Variants in CTNNA3 observed in about 807,000 individuals in gnomAD.
The protein encoded by CTNNA3 is catenin alpha-3.
In CTNNA3, 76 loss-of-function variants were observed where a neutral mutation model predicts 95.7. The ratio of observed to expected loss-of-function variants is 0.79; its 90% CI spans 0.66 to 0.96. The LOEUF (loss-of-function observed/expected upper bound fraction) is 0.96. Among genes scored for constraint, CTNNA3 ranks in the 40% least tolerant of loss-of-function variants. The pLI is 0.00. For missense variants in CTNNA3, 1,191 were observed against 1,089.8 expected (o/e 1.09, Z -1.31); for synonymous variants, 431 against 374.4 (o/e 1.15, Z -1.74).
chr10:66,184,996 G>A lies in CTNNA3; in HGVS notation c.1885-81747C>T, dbSNP rs548724704. Among the ~76,000 whole-genome samples the A allele has an allele frequency of 5.9e-5, 9 of 152,210 alleles. No homozygotes were observed. The East Asian group carries it at 1.2e-3, about 20-fold the overall frequency. The stretch of plus-strand genomic sequence containing the variant: ...TTCACTGGAAGAGTATTTTTGTACG[G>A]CCTTGCTCTAAACTTTCTAAATGAA... On this transcript the variant is annotated intron_variant, in intron 13 of 17. Transcript: ENST00000433211.
At chr10:66,429,491 C>A (rs2093275472) in intron 11 of CTNNA3, among the ~76,000 whole-genome samples, 1 of 152,014 alleles carries the variant, frequency 6.6e-6, no homozygotes, top group African/African-American at 2.4e-5. Flanking sequence ...AACGTCAATG[C>A]AAAAATCCTC....
chr10:66,083,083 G>T (rs1225661847), intron 14 of CTNNA3, among the ~76,000 whole-genome samples: 1 of 151,978 alleles, frequency 6.6e-6, no homozygotes, highest in Non-Finnish European at 1.5e-5. Context: ...GTAAAAAGAA[G>T]TGAGGGCTTA....
chr10:66,122,163 AT>A (rs1300350410), intron 13 of CTNNA3, among the ~76,000 whole-genome samples: 2 of 152,194 alleles, frequency 1.3e-5, no homozygotes. Flanking sequence ...TAAGAAAAAA[AT>A]CAAAAGGAAA....
chr10:66,813,802 C>T (rs969010892), intron 7 of CTNNA3, among the ~76,000 whole-genome samples: 1 of 151,206 alleles, frequency 6.6e-6, no homozygotes, highest in South Asian at 2.1e-4. Context: ...ATCAGATTTG[C>T]CTTAGAGAAA....
intron 9 of CTNNA3, among the ~76,000 whole-genome samples, chr10:66,710,204 C>T (rs1415685313): frequency 6.6e-6 from 1 of 152,256 alleles, no homozygotes; most frequent in South Asian, 2.1e-4. Context: ...GGTGTCTTCA[C>T]ACATTCCACT....
intron 10 of CTNNA3, among the ~76,000 whole-genome samples, chr10:66,549,292 G>T (rs943123752): frequency 1.3e-5 from 2 of 152,012 alleles, no homozygotes; most frequent in African/African-American, 2.4e-5. Flanking sequence ...CACCACGCCC[G>T]GCCGCCTTTC....
intron 7 of CTNNA3, among the ~76,000 whole-genome samples, chr10:66,967,108 A>G (rs981924101): frequency 1.3e-5 from 2 of 152,076 alleles, no homozygotes; most frequent in Admixed American, 1.3e-4. Flanking sequence ...AGGAACGTTG[A>G]TGGTTCTGCT....
chr10:66,110,178 T>G (rs1362092373), intron 13 of CTNNA3, among the ~76,000 whole-genome samples: 1 of 151,628 alleles, frequency 6.6e-6, no homozygotes, highest in Non-Finnish European at 1.5e-5. Flanking sequence ...CTGGCCAACA[T>G]GGTGAAACCC....
At chr10:66,712,511 G>GT (rs1228601884) in intron 9 of CTNNA3, among the ~76,000 whole-genome samples, 1 of 151,986 alleles carries the variant, frequency 6.6e-6, no homozygotes, top group Admixed American at 6.6e-5. Context: ...CTGATTAGCA[G>GT]TTTTTTCTGA....
intron 13 of CTNNA3, among the ~76,000 whole-genome samples, chr10:66,129,528 T>C (rs2082987533): frequency 6.6e-6 from 1 of 152,090 alleles, no homozygotes; most frequent in Non-Finnish European, 1.5e-5. Flanking sequence ...ATAGGAGACT[T>C]TAGCCATAGG....
At chr10:67,171,186 T>A (rs1169326330) in intron 7 of CTNNA3, among the ~76,000 whole-genome samples, 1 of 152,186 alleles carries the variant, frequency 6.6e-6, no homozygotes, top group Non-Finnish European at 1.5e-5. Context: ...CCACAAAAGG[T>A]CATGGTTTTT....
At chr10:66,252,864 C>T (rs1245424972) in intron 13 of CTNNA3, among the ~76,000 whole-genome samples, 1 of 152,056 alleles carries the variant, frequency 6.6e-6, no homozygotes, top group Non-Finnish European at 1.5e-5. Flanking sequence ...TGTTTTAAAT[C>T]GTTTTCATAT....
intron 3 of CTNNA3, 112 bp downstream of exon 3, chr10:67,606,745 C>G: frequency 1.2e-6 from 1 of 849,716 alleles, no homozygotes; most frequent in South Asian, 1.7e-5. Flanking sequence ...CACAGCTCTG[C>G]AAAAGACTAA....
chr10:67,741,984 C>T (rs1477703590), intron 1 of CTNNA3, among the ~76,000 whole-genome samples: 3 of 151,250 alleles, frequency 2.0e-5, no homozygotes, highest in African/African-American at 7.3e-5. Flanking sequence ...GCACCCAATA[C>T]AGGAGCACCC....
chr10:65,916,211 A>C lies in CTNNA3; in HGVS notation c.*4119T>G, dbSNP rs1193254488. Reference sequence around the variant, plus strand: ...CTACTTTACTTAAAAAGAATTATTAAAATAATATAAAATTATATTCTTTTT... The same window carrying C: ...CTACTTTACTTAAAAAGAATTATTACAATAATATAAAATTATATTCTTTTT... On this transcript the variant is annotated 3_prime_UTR_variant, in exon 18 of 18. Transcript: ENST00000433211. The C allele has an allele frequency of 1.3e-5, 2 of 151,968 alleles. No individual in the cohort carries two copies. The highest frequency in any genetic ancestry group is 1.3e-4 in the Admixed American group (2 of 15,266). 9.4% of individuals were successfully genotyped at this position (151,968 alleles called of 1,614,324 possible).
At chr10:67,329,440 C>T (rs76834484) in intron 5 of CTNNA3, among the ~76,000 whole-genome samples, 40 of 152,262 alleles carry the variant, frequency 2.6e-4, no homozygotes, top group African/African-American at 8.9e-4. Flanking sequence ...TGGTTTGCTA[C>T]ATGGATGTGG....
intron 7 of CTNNA3, among the ~76,000 whole-genome samples, chr10:66,895,914 CAAAA>C (rs869248195): frequency 3.7e-5 from 3 of 80,198 alleles, no homozygotes; most frequent in Non-Finnish European, 7.3e-5. Flanking sequence ...CCTGTCTCTA[CAAAA>C]AAAAAAAAAA....
At chr10:67,074,354 T>C (rs1424301403) in intron 7 of CTNNA3, among the ~76,000 whole-genome samples, 2 of 132,252 alleles carry the variant, frequency 1.5e-5, no homozygotes, top group African/African-American at 2.9e-5. Context: ...TTTTTTTTTT[T>C]TTTTTTTTTT....
At chr10:67,183,046 C>T (rs965739506) in intron 6 of CTNNA3, among the ~76,000 whole-genome samples, 2 of 152,138 alleles carry the variant, frequency 1.3e-5, no homozygotes, top group African/African-American at 4.8e-5. Flanking sequence ...ACAACAGGTG[C>T]TGGAGAGGAT....
Sources: gnomAD v4.1 joint callset for allele counts (sites outside exome capture counted in the v4.1 genomes callset) on GRCh38, gnomAD v4.1.1 for gene constraint, MANE v1.5 for transcripts, NCBI Gene and HGNC (gene_info 2026-07-23, HGNC 2026-07-21) for gene names.